Variants in DNAH9 observed in about 807,000 individuals in gnomAD.
DNAH9 encodes the protein dynein axonemal heavy chain 9.
Under a neutral mutation model 471.6 loss-of-function variants are expected in DNAH9, and 345 were observed. The ratio of observed to expected loss-of-function variants is 0.73; its 90% CI spans 0.67 to 0.80. DNAH9 has a LOEUF of 0.80. Among genes scored for constraint, DNAH9 ranks in the 30% least tolerant of loss-of-function variants. The pLI is 0.00. For synonymous variants in DNAH9, 2,093 were observed against 2,123.6 expected (o/e 0.99, Z 0.40); for missense variants, 5,407 against 5,609.2 (o/e 0.96, Z 1.15).
intron 1 of DNAH9, among the ~76,000 whole-genome samples, chr17:11,601,743 T>A (rs2072391773): frequency 6.6e-6 from 1 of 152,024 alleles, no homozygotes; most frequent in Non-Finnish European, 1.5e-5. Context: ...CTCTCCTCTC[T>A]CTCAGCACCT....
At chr17:11,939,885 T>G (rs1567564428) in intron 66 of DNAH9, among the ~76,000 whole-genome samples, 2 of 151,462 alleles carry the variant, frequency 1.3e-5, no homozygotes, top group South Asian at 2.1e-4. Flanking sequence ...AATTGATGGA[T>G]GAATGGATGG....
chr17:11,603,100 C>G (rs1036216698), intron 1 of DNAH9, among the ~76,000 whole-genome samples: 27 of 152,202 alleles, frequency 1.8e-4, no homozygotes, highest in African/African-American at 5.8e-4. Flanking sequence ...CCTGGTAAAA[C>G]CCAGCTCTAC....
At chr17:11,929,774 T>TC (rs1974443936) in intron 62 of DNAH9, 92 bp from the exon 63 acceptor site, 1 of 1,029,578 alleles carries the variant, frequency 9.7e-7, no homozygotes, top group Non-Finnish European at 1.4e-6. Context: ...CTAAGACCAG[T>TC]CCCCCCTCTG....
rs562922297 is a variant in DNAH9 at position 11,912,218 on chromosome 17, C to T, written c.11749+6409C>T. Among the ~76,000 whole-genome samples, 12 of 152,230 alleles carry T rather than the reference C, an allele frequency of 7.9e-5. No homozygotes were observed. The South Asian group carries it at 2.3e-3, about 29-fold the overall frequency. ...TTTTTTTAGTACGGACAGGGTTTCA[C>T]CATGTTGGCAGGATGGTCTCAATCT... is the stretch of plus-strand genomic sequence containing the variant. On this transcript the variant is annotated intron_variant, in intron 61 of 68. Coordinates refer to ENST00000262442, the MANE Select transcript of DNAH9 (RefSeq NM_001372.4).
chr17:11,959,436 T>C (rs1411040541), intron 67 of DNAH9, among the ~76,000 whole-genome samples: 1 of 152,236 alleles, frequency 6.6e-6, no homozygotes, highest in African/African-American at 2.4e-5. Context: ...ATACATTGCA[T>C]GTAGCAATGA....
intron 38 of DNAH9, among the ~76,000 whole-genome samples, chr17:11,775,748 GCACCCGCCACCAT>G (rs1056650606): frequency 3.3e-5 from 5 of 151,802 alleles, no homozygotes; most frequent in Middle Eastern, 3.2e-3. Flanking sequence ...GGGACTACAG[GCACCCGCCACCAT>G]GCCCGGCTAA....
rs1969847408 is a variant in DNAH9, at chr17:11,810,299, G to A, written c.8637G>A (p.Val2879=). 6.2e-7 allele frequency: 1 copy of A among 1,613,726 alleles called. No homozygotes were observed. Among genetic ancestry groups the A allele is most frequent in the Non-Finnish European group, 8.5e-7 (1 of 1,179,890 alleles). The change falls in exon 45 of 69, where the codon GTG becomes GTA. Residue 2879 remains valine, a synonymous_variant. Transcript: ENST00000262442. The stretch of plus-strand genomic sequence containing the variant: ...CTGGAGTGAAGAATCTCAACACAGT[G>A]TTTCTCATGACTGATGCCCAAGTGG... The part of the protein sequence containing the change: ...LKAGVKNLNT[V]FLMTDAQVAD...
At chr17:11,810,405 T>C in intron 45 of DNAH9, 36 bp downstream of exon 45, 1 of 1,599,602 alleles carries the variant, frequency 6.3e-7, no homozygotes, top group East Asian at 2.2e-5. Flanking sequence ...CACTGATAAA[T>C]TCCCCCTGGA....
chr17:11,851,550 C>T (rs1971421366), intron 49 of DNAH9, among the ~76,000 whole-genome samples: 1 of 152,114 alleles, frequency 6.6e-6, no homozygotes, highest in African/African-American at 2.4e-5. Flanking sequence ...ACAGCTACAG[C>T]CTAGTGAGAA....
At chr17:11,697,611 A>G (rs2074499097) in intron 22 of DNAH9, among the ~76,000 whole-genome samples, 1 of 152,156 alleles carries the variant, frequency 6.6e-6, no homozygotes, top group Non-Finnish European at 1.5e-5. Context: ...TAAATAATAC[A>G]TCTATCCCAT....
intron 8 of DNAH9, among the ~76,000 whole-genome samples, chr17:11,634,526 C>T (rs2073125475): frequency 6.6e-6 from 1 of 152,148 alleles, no homozygotes; most frequent in African/African-American, 2.4e-5. Context: ...TGTGCACACA[C>T]CTGTACTTCC....
intron 27 of DNAH9, among the ~76,000 whole-genome samples, chr17:11,726,457 C>T (rs886676744): frequency 4.6e-5 from 7 of 152,136 alleles, no homozygotes; most frequent in Non-Finnish European, 1.0e-4. Context: ...ACCAAAAAGC[C>T]CTTTCTTCGA....
chr17:11,630,545 CAG>C (rs1352192137), intron 7 of DNAH9: 3 of 152,178 alleles, frequency 2.0e-5, no homozygotes, highest in Non-Finnish European at 2.9e-5. Flanking sequence ...TGGGACCTGT[CAG>C]GGGTTGGGGG....
intron 43 of DNAH9, among the ~76,000 whole-genome samples, chr17:11,798,543 A>C (rs1401331467): frequency 6.6e-6 from 1 of 151,300 alleles, no homozygotes; most frequent in Non-Finnish European, 1.5e-5. Context: ...TGTTTTTGCT[A>C]TCTAGTGAAT....
intron 56 of DNAH9, among the ~76,000 whole-genome samples, chr17:11,885,890 G>C (rs1291160508): frequency 6.6e-6 from 1 of 152,148 alleles, no homozygotes; most frequent in Non-Finnish European, 1.5e-5. Context: ...TTCCTGTGGT[G>C]CTCCCACAAA....
At chr17:11,926,403 C>T (rs964919458) in intron 62 of DNAH9, among the ~76,000 whole-genome samples, 1 of 152,126 alleles carries the variant, frequency 6.6e-6, no homozygotes, top group East Asian at 1.9e-4. Context: ...TGATGCTCTC[C>T]CTCTCCCCCT....
chr17:11,834,041 G>T (rs1170649093), intron 48 of DNAH9, among the ~76,000 whole-genome samples: 2 of 152,166 alleles, frequency 1.3e-5, no homozygotes, highest in Admixed American at 1.3e-4. Context: ...CAGGGAGAAA[G>T]GTCAGGGCCG....
chr17:11,613,860 T>C (rs1202939967), intron 4 of DNAH9, among the ~76,000 whole-genome samples: 1 of 152,192 alleles, frequency 6.6e-6, no homozygotes, highest in African/African-American at 2.4e-5. Flanking sequence ...AAAAATATAT[T>C]ATGAGTTTGT....
At chr17:11,762,582 C>T (rs780815880) in intron 35 of DNAH9, among the ~76,000 whole-genome samples, 80 of 152,124 alleles carry the variant, frequency 5.3e-4, no homozygotes, top group Middle Eastern at 3.4e-3. Flanking sequence ...TGAAGAACTC[C>T]ATTCAGTTCA....
Sources: allele counts gnomAD v4.1 joint callset (sites outside exome capture counted in the v4.1 genomes callset), GRCh38; gene constraint gnomAD v4.1.1; transcripts MANE v1.5; gene names NCBI Gene and HGNC (gene_info 2026-07-23, HGNC 2026-07-21).